The following EPS8L3 variants were observed in gnomAD, a reference collection of about 807,000 sequenced individuals.
EPS8L3 encodes the protein EPS8 signaling adaptor L3.
A neutral mutation model predicts 88.5 loss-of-function variants in EPS8L3; 80 were observed. The ratio of observed to expected loss-of-function variants is 0.90; its 90% CI spans 0.75 to 1.09. The LOEUF (loss-of-function observed/expected upper bound fraction) is 1.09, where lower values mean the gene tolerates loss of function less well. Ranked by LOEUF, EPS8L3 falls within the 50% of genes least tolerant of loss-of-function variation. The probability of loss-of-function intolerance (pLI) is 0.00; values close to 1 mark genes in which losing one functional copy is unlikely to be tolerated. For missense variants in EPS8L3, 721 were observed against 735.2 expected (o/e 0.98, Z 0.22); for synonymous variants, 286 against 291.0 (o/e 0.98, Z 0.18).
chr1:109,761,923 C>T lies in EPS8L3; in HGVS notation c.-24-150G>A, dbSNP rs12066518. 42 of 649,272 alleles carry T rather than the reference C, an allele frequency of 6.5e-5. 1 individual carries two copies. The South Asian group carries it at 7.3e-4, about 11-fold the overall frequency. 40.2% of individuals were successfully genotyped at this position (649,272 alleles called of 1,614,324 possible). Reference sequence around the variant, plus strand: ...CTCCAGGGGCCCTTTCCGGAGCCATCTGCAGCCAGCGTCCTCCACTGAGGA... The same window carrying T: ...CTCCAGGGGCCCTTTCCGGAGCCATTTGCAGCCAGCGTCCTCCACTGAGGA... On this transcript the variant is annotated intron_variant, in intron 1 of 18. Coordinates refer to ENST00000361965, the MANE Select transcript of EPS8L3 (RefSeq NM_133181.4).
At chr1:109,753,048 G>T in intron 13 of EPS8L3, 69 bp downstream of exon 13, 2 of 1,374,628 alleles carry the variant, frequency 1.5e-6, no homozygotes, top group South Asian at 1.2e-5. Context: ...ACCATGGTTT[G>T]GATGGGGAGG....
chr1:109,759,758 C>T lies in EPS8L3; in HGVS notation c.175G>A (p.Ala59Thr). The T allele has an allele frequency of 3.7e-6, 6 of 1,614,132 alleles. No homozygotes were observed. In the South Asian group the frequency reaches 5.5e-5, roughly 15 times the overall value. Residue 59 changes from alanine to threonine, a missense_variant, in exon 4 of 19, where the codon GCA (alanine) becomes ACA (threonine). Coordinates refer to ENST00000361965, the MANE Select transcript of EPS8L3 (RefSeq NM_133181.4). The surrounding 1 kb of genome is among the most constrained non-coding windows in gnomAD (Gnocchi z 4.2). ...DALQKLFEMDAQGRVWSQDLI... is the reference protein window; with the variant it reads ...DALQKLFEMDTQGRVWSQDLI... ...TCTTGGCTCCACACCCGGCCCTGTG[C>T]ATCCATCTCGAACAGCTTCTGCAAG...
intron 3 of EPS8L3, among the ~76,000 whole-genome samples, chr1:109,760,983 G>T (rs561086117): frequency 5.9e-5 from 9 of 152,250 alleles, no homozygotes; most frequent in Admixed American, 2.0e-4. Flanking sequence ...CCTTGGAGCA[G>T]CCTCGGAGCT....
Position 109,750,773 on chromosome 1 carries a change from A to T in EPS8L3, c.1657T>A (p.Ser553Thr), listed in dbSNP as rs1375668255. The change falls in exon 18 of 19, where the codon TCC becomes ACC. Residue 553 changes from serine to threonine, a missense_variant. Coordinates refer to ENST00000361965, the MANE Select transcript of EPS8L3 (RefSeq NM_133181.4). The stretch of plus-strand genomic sequence containing the variant: ...CGAAGTAGCTGGCTCCCCGTCAGGG[A>T]CCCAAGTGTCCTCACCGTGCTGTGA... Reference protein sequence around the residue: ...FSTATVRTLGSLTGSQLLRIR... With the variant: ...FSTATVRTLGTLTGSQLLRIR... The T allele has an allele frequency of 1.9e-6, 3 of 1,614,026 alleles. No individual in the cohort carries two copies. The African/African-American group carries it at 4.0e-5, about 22-fold the overall frequency.
chr1:109,755,831 G>A (rs72991167), intron 12 of EPS8L3, among the ~76,000 whole-genome samples: 7,592 of 152,256 alleles, frequency 0.05, 618 homozygotes, highest in African/African-American at 0.17. Flanking sequence ...AAACAAAACA[G>A]AAGTGGTTAT....
rs1650646604 is a variant in EPS8L3, at chr1:109,759,244, T to C, written c.399A>G (p.Glu133=). Residue 133 remains glutamate (E), a synonymous_variant, in exon 5 of 19, where the codon GAA becomes GAG. Transcript: ENST00000361965. This position sits in a 1 kb window ranked among gnomAD's most constrained non-coding sequence, Gnocchi z 4.2. ...GTSTLLFQCQ[E]VGAERLKTSL... ...ATCACCCCCGACCACTCACCCCCAC[T>C]TCCTGGCACTGGAAGAGCAGAGTGC... 1.9e-6 allele frequency: 3 copies of C among 1,613,090 alleles called. No individual in the cohort carries two copies. Among genetic ancestry groups the C allele is most frequent in the Non-Finnish European group, 2.5e-6 (3 of 1,179,610 alleles).
chr1:109,752,555 C>T, intron 14 of EPS8L3, 131 bp downstream of exon 14: 1 of 828,446 alleles, frequency 1.2e-6, no homozygotes, highest in South Asian at 1.6e-5. Flanking sequence ...GAGGGATGTC[C>T]TTGTACATGT....
rs1177081362 is a variant in EPS8L3, at chr1:109,763,808, GGCCAGGCCCTTACCTGGGT to G, written c.-30_-25+13del. On this transcript the variant is annotated splice_donor_variant and splice_donor_5th_base_variant and 5_prime_UTR_variant and intron_variant, in exon 1 of 19. Transcript: ENST00000361965. LOFTEE classifies it low-confidence loss of function (5UTR_SPLICE). Reference sequence around the variant, plus strand: ...GGGCTGGGCCCCGATCTTCCCTGGGGGCCAGGCCCTTACCTGGGTGCCAGTGAAGGCCGGGTGCCTGGTC... The same window carrying G: ...GGGCTGGGCCCCGATCTTCCCTGGGGGCCAGTGAAGGCCGGGTGCCTGGTC... 1 of 152,866 alleles carries G rather than the reference GGCCAGGCCCTTACCTGGGT, an allele frequency of 6.5e-6. No individual in the cohort carries two copies. The highest frequency in any genetic ancestry group is 1.5e-5 in the Non-Finnish European group (1 of 68,216). 9.5% of individuals were successfully genotyped at this position (152,866 alleles called of 1,614,324 possible). A position where few individuals can be genotyped will look rare whatever the true frequency, so the allele number is the denominator to read the frequency against.
chr1:109,757,475 A>G lies in EPS8L3; in HGVS notation c.969+6T>C. 1 of 1,612,958 alleles carries G rather than the reference A, an allele frequency of 6.2e-7. No individual in the cohort carries two copies. The highest frequency in any genetic ancestry group is 8.5e-7 in the Non-Finnish European group (1 of 1,179,414). Reference sequence around the variant, plus strand: ...GTCTTCACCACCCTGTCGTCCCTTGACTCACGAAGTTCAGGGACTTGAAGA... The same window carrying G: ...GTCTTCACCACCCTGTCGTCCCTTGGCTCACGAAGTTCAGGGACTTGAAGA... On this transcript the variant is annotated splice_donor_region_variant and intron_variant, in intron 11 of 18. Transcript: ENST00000361965.
In EPS8L3 at chr1:109,751,708, G is replaced by A. The variant is rs761607345; in HGVS notation, c.1509C>T (p.Ile503=). Residue 503 remains isoleucine (I), a synonymous_variant, in exon 16 of 19, where the codon ATC becomes ATT. Coordinates refer to ENST00000361965, the MANE Select transcript of EPS8L3 (RefSeq NM_133181.4). ...GGGTCCCCGGCTGTAGGGGCTCCAG[G>A]ATGTTGCTTGGAATGTAGCCGCTCC... ...AGRSGYIPSN[I]LEPLQPGTPG... 1 of 1,613,778 alleles carries A rather than the reference G, an allele frequency of 6.2e-7. No individual in the cohort carries two copies. Among genetic ancestry groups the A allele is most frequent in the African/African-American group, 1.3e-5 (1 of 74,850 alleles).
At chr1:109,762,110 C>T (rs185386156) in intron 1 of EPS8L3, among the ~76,000 whole-genome samples, 4 of 152,268 alleles carry the variant, frequency 2.6e-5, no homozygotes, top group South Asian at 2.1e-4. Context: ...CAGGGACCTG[C>T]GTTCAGATCC....
intron 2 of EPS8L3, 52 bp downstream of exon 2, chr1:109,761,667 A>T: frequency 1.2e-6 from 2 of 1,611,990 alleles, no homozygotes; most frequent in Non-Finnish European, 1.7e-6. Flanking sequence ...AGGATGGGAC[A>T]TTCTGGGGGC....
intron 17 of EPS8L3, 142 bp downstream of exon 17, chr1:109,751,136 C>G (rs1378453168): frequency 1.4e-6 from 1 of 736,770 alleles, no homozygotes; most frequent in South Asian, 1.7e-5. Context: ...CGCCTCTGCT[C>G]TGTCCTCTAA....
chr1:109,751,403 C>T, intron 16 of EPS8L3, 52 bp from the exon 17 acceptor site: 4 of 1,566,886 alleles, frequency 2.6e-6, no homozygotes, highest in Non-Finnish European at 3.5e-6. Flanking sequence ...CACAGCCAAC[C>T]ACAGCCCCTA....
At chr1:109,750,628 C>A (rs760010466) in intron 18 of EPS8L3, 32 bp downstream of exon 18, 2 of 1,613,836 alleles carry the variant, frequency 1.2e-6, no homozygotes, top group Admixed American at 3.3e-5. Flanking sequence ...CAGACACTCC[C>A]AATGGTTGTC....
In EPS8L3 at chr1:109,760,925, G is replaced by T. The variant is rs945000097; in HGVS notation, c.96+570C>A. Among the ~76,000 whole-genome samples, 70 of 152,102 alleles carry T rather than the reference G, an allele frequency of 4.6e-4. 1 individual carries two copies. Among genetic ancestry groups the T allele is most frequent in the Non-Finnish European group, 2.9e-5 (2 of 68,032 alleles). ...ACAGCCCTTCAGGCACCTAAATCTT[G>T]CAGTGCCTGCATCATCCTCCCTGGT... On this transcript the variant is annotated intron_variant, in intron 3 of 18. Transcript: ENST00000361965.
In EPS8L3 at chr1:109,751,666, C is replaced by T. The variant is rs955318136; in HGVS notation, c.1551G>A (p.Gln517=). ...LQPGTPGTQG[Q]SPSRVPMLRL... is the part of the protein sequence containing the mutation. ...GGCTGGGTAGTACCCGAGAGGGTGA[C>T]TGGCCCTGGGTCCCAGGGGTCCCCG... Residue 517 remains glutamine, a synonymous_variant, in exon 16 of 19, where the codon CAG becomes CAA. Transcript: ENST00000361965. 37 of 1,613,898 alleles carry T rather than the reference C, an allele frequency of 2.3e-5. No homozygotes were observed. Among genetic ancestry groups the T allele is most frequent in the Non-Finnish European group, 3.1e-5 (37 of 1,180,018 alleles).
At chr1:109,758,216 A>G (rs1187572631) in intron 8 of EPS8L3, 100 bp downstream of exon 8, 2 of 1,347,820 alleles carry the variant, frequency 1.5e-6, no homozygotes, top group Non-Finnish European at 2.1e-6. Flanking sequence ...GGCCCTGGCC[A>G]TCCTGGGACC....
intron 14 of EPS8L3, 122 bp from the exon 15 acceptor site, chr1:109,752,315 T>C: frequency 1.0e-6 from 1 of 1,000,420 alleles, no homozygotes; most frequent in Non-Finnish European, 1.5e-6. Flanking sequence ...TGGGTTTCTT[T>C]AGAGTTTGCT....
Sources: allele counts gnomAD v4.1 joint callset (sites outside exome capture counted in the v4.1 genomes callset), GRCh38; gene constraint gnomAD v4.1.1; non-coding constraint Gnocchi (gnomAD v3.1); transcripts MANE v1.5; gene names NCBI Gene and HGNC (gene_info 2026-07-23, HGNC 2026-07-21).